Variants in EXT1 observed in about 807,000 individuals in gnomAD.
EXT1 encodes exostosin glycosyltransferase 1.
EXT1 carries 20 observed loss-of-function variants against 82.5 expected under a neutral mutation model. The ratio of observed to expected loss-of-function variants is 0.24; its 90% CI spans 0.17 to 0.35. The LOEUF (loss-of-function observed/expected upper bound fraction) is 0.35, where lower values mean the gene tolerates loss of function less well. Among genes scored for constraint, EXT1 ranks in the 10% least tolerant of loss-of-function variants. The pLI, the probability that EXT1 is intolerant of heterozygous loss-of-function variation, is 1.00. For synonymous variants in EXT1, 348 were observed against 350.8 expected, an observed-to-expected ratio of 0.99 and a Z score of 0.09; for missense variants, 757 against 936.5, an observed-to-expected ratio of 0.81 and a Z score of 2.50.
intron 1 of EXT1, among the ~76,000 whole-genome samples, chr8:117,959,228 C>G (rs955410405): frequency 2.0e-5 from 3 of 152,134 alleles, no homozygotes; most frequent in Non-Finnish European, 4.4e-5. Context: ...CAGCTTTTCC[C>G]GCAGGAGACA....
chr8:117,996,887 G>A (rs1212961918), intron 1 of EXT1, among the ~76,000 whole-genome samples: 1 of 152,120 alleles, frequency 6.6e-6, no homozygotes, highest in African/African-American at 2.4e-5. Context: ...ATTTTTATAG[G>A]AGAAACAACT....
At chr8:117,851,357 A>G (rs1397215423) in intron 1 of EXT1, among the ~76,000 whole-genome samples, 1 of 148,376 alleles carries the variant, frequency 6.7e-6, no homozygotes, top group Non-Finnish European at 1.5e-5. Context: ...CTAAAAATAC[A>G]AGGAAGAATT....
At chr8:117,849,508 G>A (rs1005981261) in intron 1 of EXT1, among the ~76,000 whole-genome samples, 1 of 152,184 alleles carries the variant, frequency 6.6e-6, no homozygotes, top group African/African-American at 2.4e-5. Flanking sequence ...AATGTTTGCA[G>A]GGATAATTCA....
chr8:118,061,387 G>A (rs567552875), intron 1 of EXT1, among the ~76,000 whole-genome samples: 4 of 152,306 alleles, frequency 2.6e-5, no homozygotes, highest in Admixed American at 6.5e-5. Flanking sequence ...GGTTGTATGT[G>A]TTATGATTTA....
chr8:118,079,516 G>C (rs955102993), intron 1 of EXT1, among the ~76,000 whole-genome samples: 1 of 152,202 alleles, frequency 6.6e-6, no homozygotes, highest in Non-Finnish European at 1.5e-5. Context: ...TAAGGCCAGA[G>C]TGGCCAGGCA....
intron 1 of EXT1, among the ~76,000 whole-genome samples, chr8:117,888,780 TATC>T (rs559346510): frequency 8.7e-4 from 132 of 152,334 alleles, no homozygotes; most frequent in Middle Eastern, 3.4e-3. Context: ...CAGCCCCTGC[TATC>T]ATCCTTTGTC....
chr8:117,899,578 G>A (rs1167640620), intron 1 of EXT1, among the ~76,000 whole-genome samples: 1 of 152,184 alleles, frequency 6.6e-6, no homozygotes, highest in Non-Finnish European at 1.5e-5. Context: ...ACGATCAGCT[G>A]GGTTCCTACT....
chr8:117,807,410 A>G (rs1395374467), intron 8 of EXT1, 33 bp from the exon 9 acceptor site: 1 of 1,613,478 alleles, frequency 6.2e-7, no homozygotes, highest in Admixed American at 1.7e-5. Flanking sequence ...ACAAGCAATC[A>G]ACAGTGTTAA....
At chr8:118,057,522 C>A (rs1331110478) in intron 1 of EXT1, among the ~76,000 whole-genome samples, 4 of 150,682 alleles carry the variant, frequency 2.7e-5, no homozygotes, top group Non-Finnish European at 5.9e-5. Flanking sequence ...CCAGCATGGG[C>A]AACAAGAGCG....
Position 117,968,770 on chromosome 8 carries a change from C to T in EXT1, c.963-131569G>A, listed in dbSNP as rs1251722881. Among the ~76,000 whole-genome samples the T allele has an allele frequency of 1.8e-5, 2 of 113,816 alleles. 1 individual carries two copies. The highest frequency in any genetic ancestry group is 3.2e-5 in the Non-Finnish European group (2 of 61,710). 74.7% of individuals were successfully genotyped at this position (113,816 alleles called of 152,430 possible). A position where few individuals can be genotyped will look rare whatever the true frequency, so the allele number is the denominator to read the frequency against. On this transcript the variant is annotated intron_variant, in intron 1 of 10. Coordinates refer to ENST00000378204, the MANE Select transcript of EXT1 (RefSeq NM_000127.3). ...ATTTTTAGTAGAGACGGGGTTTCAC[C>T]AGGTTAGCCAGGATGGTCTCGATCT... is the stretch of plus-strand genomic sequence containing the variant.
chr8:117,825,652 C>T (rs2129758001), intron 4 of EXT1, among the ~76,000 whole-genome samples: 1 of 152,300 alleles, frequency 6.6e-6, no homozygotes, highest in Admixed American at 6.5e-5. Context: ...AGGTTAAAGT[C>T]ATTCTATGTA....
intron 1 of EXT1, among the ~76,000 whole-genome samples, chr8:118,066,382 C>A (rs1263989134): frequency 3.1e-5 from 4 of 127,926 alleles, no homozygotes; most frequent in Admixed American, 3.1e-4. Context: ...ATTTATTAGA[C>A]AGAGTCTCAC....
intron 1 of EXT1, among the ~76,000 whole-genome samples, chr8:117,968,760 G>A (rs930452926): frequency 1.2e-5 from 1 of 82,204 alleles, no homozygotes; most frequent in Non-Finnish European, 2.1e-5. Context: ...TAGTAGAGAC[G>A]GGGTTTCACC....
chr8:118,091,547 G>T (rs1205002730), intron 1 of EXT1, among the ~76,000 whole-genome samples: 10 of 151,976 alleles, frequency 6.6e-5, no homozygotes, highest in African/African-American at 2.4e-4. Context: ...GACCATCCTG[G>T]CTAACACAGT....
chr8:117,818,429 T>C lies in EXT1; in HGVS notation c.1632+6A>G. 2.5e-6 allele frequency: 4 copies of C among 1,613,768 alleles called. No individual in the cohort carries two copies. On this transcript the variant is annotated splice_donor_region_variant and intron_variant, in intron 7 of 10. Transcript: ENST00000378204. ...GTTCCACATATAGGTCCCCTTCGAG[T>C]CTTACCTTGCTCTCTCCTTCAATGA...
At chr8:118,067,527 C>T (rs551176837) in intron 1 of EXT1, among the ~76,000 whole-genome samples, 2 of 152,332 alleles carry the variant, frequency 1.3e-5, no homozygotes, top group African/African-American at 4.8e-5. Context: ...TAGTACATAA[C>T]AGAGCCTAGC....
chr8:118,018,837 GGAAACCTCAAATCCCAAA>G (rs1192449446), intron 1 of EXT1, among the ~76,000 whole-genome samples: 8 of 152,014 alleles, frequency 5.3e-5, no homozygotes, highest in African/African-American at 1.9e-4. Context: ...TCCAGCTCTG[GGAAACCTCAAATCCCAAA>G]GAAAACACAA....
intron 1 of EXT1, among the ~76,000 whole-genome samples, chr8:118,065,798 C>T (rs1816975093): frequency 6.6e-6 from 1 of 152,192 alleles, no homozygotes; most frequent in African/African-American, 2.4e-5. Flanking sequence ...AGTGGGTGGG[C>T]ATTTTTAAAT....
At chr8:117,962,935 AATTT>A (rs1814732503) in intron 1 of EXT1, among the ~76,000 whole-genome samples, 1 of 152,118 alleles carries the variant, frequency 6.6e-6, no homozygotes, top group Non-Finnish European at 1.5e-5. Context: ...TGATAGCATT[AATTT>A]AAGCATACCC....
Sources: gnomAD v4.1 joint callset for allele counts (sites outside exome capture counted in the v4.1 genomes callset) on GRCh38, gnomAD v4.1.1 for gene constraint, MANE v1.5 for transcripts, NCBI Gene and HGNC (gene_info 2026-07-23, HGNC 2026-07-21) for gene names.